The following REPS1 variants were observed in gnomAD, a reference collection of about 807,000 sequenced individuals.
REPS1 encodes ralBP1-associated Eps domain-containing protein 1.
In REPS1, 39 loss-of-function variants were observed where a neutral mutation model predicts 100.9. The observed-to-expected ratio is 0.39, with a 90% CI of 0.30 to 0.50. The LOEUF is 0.50. Ranked by LOEUF, REPS1 falls within the 20% of genes least tolerant of loss-of-function variation. REPS1 has a pLI of 0.86. For synonymous variants in REPS1, 324 were observed against 340.3 expected (o/e 0.95, Z 0.53); for missense variants, 821 against 968.5 (o/e 0.85, Z 2.02).
At chr6:138,940,896 G>A (rs2698742) in intron 8 of REPS1, among the ~76,000 whole-genome samples, 9 of 152,172 alleles carry the variant, frequency 5.9e-5, no homozygotes, top group Admixed American at 5.9e-4. Flanking sequence ...AGGAGAGAGC[G>A]TGGTATTTTA....
chr6:138,942,007 T>C (rs200227997), intron 7 of REPS1, among the ~76,000 whole-genome samples: 4 of 152,174 alleles, frequency 2.6e-5, no homozygotes, highest in Admixed American at 2.6e-4. Context: ...GCTTCCTGAG[T>C]AGCTGGGATT....
intron 10 of REPS1, among the ~76,000 whole-genome samples, chr6:138,921,974 AAAGTGT>A (rs1780797940): frequency 1.2e-5 from 1 of 85,276 alleles, no homozygotes; most frequent in Admixed American, 1.1e-4. Context: ...CACATCTCAA[AAAGTGT>A]GTGTGTGTGT....
Position 138,915,931 on chromosome 6 carries a change from G to C in REPS1, c.1647C>G (p.Pro549=). The C allele has an allele frequency of 6.2e-7, 1 of 1,614,012 alleles. No individual in the cohort carries two copies. Among genetic ancestry groups the C allele is most frequent in the Non-Finnish European group, 8.5e-7 (1 of 1,179,922 alleles). ...AATGAGAGGGCTGTGGCCTTGGAGGGGGAGGTGGTGGTGCAGTGTTATCAG... is the reference window on the plus strand; with the variant it reads ...AATGAGAGGGCTGTGGCCTTGGAGGCGGAGGTGGTGGTGCAGTGTTATCAG... The part of the protein sequence containing the change: ...TSPDNTAPPP[P]PPRPQPSHSR... The change falls in exon 14 of 20, where the codon CCC becomes CCG. Residue 549 remains proline (P), a synonymous_variant. Transcript: ENST00000450536.
chr6:138,928,470 A>G, intron 9 of REPS1: 1 of 151,908 alleles, frequency 6.6e-6, no homozygotes, highest in East Asian at 1.9e-4. Context: ...TCAATGATTT[A>G]TTAACATTTT....
At chr6:138,914,937 A>C in intron 14 of REPS1, 176 bp from the exon 15 acceptor site, 20 of 580,158 alleles carry the variant, frequency 3.4e-5, no homozygotes, top group Non-Finnish European at 4.2e-5. Flanking sequence ...ACCAAATCTC[A>C]CAGCCTTTCA....
chr6:138,975,372 G>A (rs1784543259), intron 1 of REPS1, among the ~76,000 whole-genome samples: 1 of 152,174 alleles, frequency 6.6e-6, no homozygotes. Context: ...CTTACTGACA[G>A]AATAGAAGGG....
At chr6:138,982,392 C>T (rs1340322890) in intron 1 of REPS1, among the ~76,000 whole-genome samples, 2 of 152,160 alleles carry the variant, frequency 1.3e-5, no homozygotes, top group Non-Finnish European at 2.9e-5. Flanking sequence ...GCTTACAAAC[C>T]TCAATGAAAG....
intron 1 of REPS1, among the ~76,000 whole-genome samples, chr6:138,959,472 T>TTAACA (rs1783601562): frequency 6.6e-6 from 1 of 151,590 alleles, no homozygotes; most frequent in African/African-American, 2.4e-5. Context: ...ATGAATGAGT[T>TTAACA]TAATAAAATG....
intron 8 of REPS1, among the ~76,000 whole-genome samples, chr6:138,935,976 G>T (rs974380493): frequency 6.6e-6 from 1 of 151,794 alleles, no homozygotes; most frequent in Non-Finnish European, 1.5e-5. Flanking sequence ...TTTACTGAGG[G>T]TCTATAGGGT....
At chr6:138,959,717 A>G (rs1279491293) in intron 1 of REPS1, among the ~76,000 whole-genome samples, 1 of 152,176 alleles carries the variant, frequency 6.6e-6, no homozygotes, top group East Asian at 1.9e-4. Flanking sequence ...TAGGCCCCAC[A>G]ATTCTGACTC....
At chr6:138,975,694 C>T (rs1007319906) in intron 1 of REPS1, among the ~76,000 whole-genome samples, 2 of 152,022 alleles carry the variant, frequency 1.3e-5, no homozygotes, top group African/African-American at 2.4e-5. Context: ...ATTAGCTGGG[C>T]GCAGTGGCAG....
At chr6:138,963,719 C>T (rs550803696) in intron 1 of REPS1, among the ~76,000 whole-genome samples, 6 of 152,268 alleles carry the variant, frequency 3.9e-5, no homozygotes, top group South Asian at 2.1e-4. Flanking sequence ...GATGGACACA[C>T]GCCAAAGCCC....
intron 1 of REPS1, among the ~76,000 whole-genome samples, chr6:138,984,400 C>T (rs777825444): frequency 7.9e-5 from 12 of 152,184 alleles, no homozygotes; most frequent in Admixed American, 4.6e-4. Context: ...GATTTTTTGT[C>T]CCACTCCCAC....
At chr6:138,956,751 G>C (rs1309460700) in intron 1 of REPS1, among the ~76,000 whole-genome samples, 2 of 151,448 alleles carry the variant, frequency 1.3e-5, no homozygotes, top group African/African-American at 2.4e-5. Context: ...GCTTACCAAA[G>C]ATCAGTAAGC....
chr6:138,912,761 T>C lies in REPS1; in HGVS notation c.1971+4A>G. ...GAAAATTAGCCAAGCCCTCGAAAAC[T>C]GACCGGCAGGACTTCTGGATGTTTC... On this transcript the variant is annotated splice_donor_region_variant and intron_variant, in intron 16 of 19. Transcript: ENST00000450536. The C allele has an allele frequency of 6.2e-7, 1 of 1,614,164 alleles. No individual in the cohort carries two copies. Among genetic ancestry groups the C allele is most frequent in the African/African-American group, 1.3e-5 (1 of 75,040 alleles).
At position 138,908,535 on chromosome 6, in the gene REPS1, T is replaced by C. The variant is rs1779807384; in HGVS notation, c.2216+133A>G. 7.9e-6 allele frequency: 7 copies of C among 890,486 alleles called. No individual in the cohort carries two copies. The South Asian group carries it at 8.6e-5, about 11-fold the overall frequency. 55.2% of individuals were successfully genotyped at this position (890,486 alleles called of 1,614,324 possible). A position where few individuals can be genotyped will look rare whatever the true frequency, so the allele number is the denominator to read the frequency against. On this transcript the variant is annotated intron_variant, in intron 18 of 19. Coordinates refer to ENST00000450536, the MANE Select transcript of REPS1 (RefSeq NM_001286611.2). ...TGGTCTAACTCCTGACCACAAATGA[T>C]CTGCCCAGCTCAGCCTCCCAAAATG...
At chr6:138,973,989 T>C (rs1011085798) in intron 1 of REPS1, among the ~76,000 whole-genome samples, 11 of 152,274 alleles carry the variant, frequency 7.2e-5, no homozygotes, top group African/African-American at 2.6e-4. Context: ...CAGTGACCCC[T>C]TGGAGCTTAG....
chr6:138,945,440 G>C (rs1418125750), intron 3 of REPS1, 61 bp downstream of exon 3: 3 of 1,578,956 alleles, frequency 1.9e-6, no homozygotes, highest in Non-Finnish European at 2.6e-6. Flanking sequence ...CTACCAATAA[G>C]AGCCTTAGTG....
chr6:138,912,687 T>C (rs1780087071), intron 16 of REPS1, 78 bp downstream of exon 16: 1 of 1,362,938 alleles, frequency 7.3e-7, no homozygotes, highest in Admixed American at 1.7e-5. Context: ...ATGTCCCCTC[T>C]AATATCTGCT....
Sources: gnomAD v4.1 joint callset for allele counts (sites outside exome capture counted in the v4.1 genomes callset) on GRCh38, gnomAD v4.1.1 for gene constraint, MANE v1.5 for transcripts, NCBI Gene and HGNC (gene_info 2026-07-23, HGNC 2026-07-21) for gene names.